Variants in THSD7A observed in about 807,000 individuals in gnomAD.
THSD7A encodes the protein thrombospondin type 1 domain containing 7A, also known as thrombospondin type-1 domain-containing protein 7A.
A neutral mutation model predicts 231.3 loss-of-function variants in THSD7A; 96 were observed. The observed-to-expected ratio is 0.41, with a 90% CI of 0.35 to 0.49. The LOEUF (loss-of-function observed/expected upper bound fraction) is 0.49. Ranked by LOEUF, THSD7A falls within the 20% of genes least tolerant of loss-of-function variation. The pLI, the probability that THSD7A is intolerant of heterozygous loss-of-function variation, is 0.05. For synonymous variants in THSD7A, 940 were observed against 743.3 expected (o/e 1.26, Z -4.30); for missense variants, 2,290 against 2,070.2 (o/e 1.11, Z -2.06).
intron 1 of THSD7A, among the ~76,000 whole-genome samples, chr7:11,774,059 G>T (rs1783323213): frequency 6.6e-6 from 1 of 152,106 alleles, no homozygotes; most frequent in Admixed American, 6.6e-5. Context: ...AATATTGGCA[G>T]CATTTGGTGA....
intron 6 of THSD7A, among the ~76,000 whole-genome samples, chr7:11,524,778 A>C (rs1788406275): frequency 6.6e-6 from 1 of 152,196 alleles, no homozygotes; most frequent in African/African-American, 2.4e-5. Flanking sequence ...AGGAAGGGTA[A>C]AAGTGGAAAG....
At chr7:11,623,287 C>T (rs573288120) in intron 2 of THSD7A, among the ~76,000 whole-genome samples, 51 of 152,196 alleles carry the variant, frequency 3.4e-4, no homozygotes, top group Non-Finnish European at 5.9e-4. Flanking sequence ...CCACTTAGGG[C>T]GGAACTAGGA....
At chr7:11,777,630 C>A (rs925871862) in intron 1 of THSD7A, among the ~76,000 whole-genome samples, 7 of 152,056 alleles carry the variant, frequency 4.6e-5, no homozygotes, top group Non-Finnish European at 8.8e-5. Flanking sequence ...CTTCTGAATT[C>A]CTATTGTTTG....
intron 13 of THSD7A, among the ~76,000 whole-genome samples, chr7:11,432,904 A>T (rs1231265694): frequency 1.3e-5 from 2 of 152,036 alleles, no homozygotes; most frequent in African/African-American, 4.8e-5. Context: ...AATAAATTTT[A>T]AAAAATGGGA....
rs554826874 is a variant in THSD7A, at chr7:11,420,104, G to A, written c.3384-2501C>T. Among the ~76,000 whole-genome samples, 4 of 152,298 alleles carry A rather than the reference G, an allele frequency of 2.6e-5. No homozygotes were observed. In the South Asian group the frequency reaches 6.2e-4, roughly 24 times the overall value. ...TTTAGAAAATTTGCAGCCCCACCACGTGGTAGAAAAGAAAAACCCATTTTC... is the reference window on the plus strand; with the variant it reads ...TTTAGAAAATTTGCAGCCCCACCACATGGTAGAAAAGAAAAACCCATTTTC... On this transcript the variant is annotated intron_variant, in intron 16 of 27. Transcript: ENST00000423059.
intron 16 of THSD7A, among the ~76,000 whole-genome samples, chr7:11,424,332 G>A (rs994973679): frequency 3.3e-5 from 5 of 152,224 alleles, no homozygotes; most frequent in Admixed American, 6.5e-5. Context: ...CAGTTAGCCA[G>A]TTTGATACAA....
intron 6 of THSD7A, among the ~76,000 whole-genome samples, chr7:11,491,247 T>C (rs17149861): frequency 0.13 from 19,960 of 152,084 alleles, 1,468 homozygotes; most frequent in Middle Eastern, 0.19. Context: ...TAATTTTTGA[T>C]TGTTAAATTT....
At chr7:11,622,787 C>T (rs1168593365) in intron 2 of THSD7A, among the ~76,000 whole-genome samples, 2 of 152,096 alleles carry the variant, frequency 1.3e-5, no homozygotes, top group African/African-American at 4.8e-5. Flanking sequence ...GTATTAATGT[C>T]ATGAATAGAT....
In THSD7A at chr7:11,766,590, T is replaced by G. The variant is rs187940072; in HGVS notation, c.190+65167A>C. Among the ~76,000 whole-genome samples, 11 of 152,332 alleles carry G rather than the reference T, an allele frequency of 7.2e-5. No individual in the cohort carries two copies. In the East Asian group the frequency reaches 2.1e-3, roughly 29 times the overall value. On this transcript the variant is annotated intron_variant, in intron 1 of 27. Transcript: ENST00000423059. ...TGGACTTGGTAAATATGTTTGACTT[T>G]TCTGCCTAGCCAAGCAATAAATATA...
chr7:11,534,765 C>T (rs1456011689), intron 6 of THSD7A, among the ~76,000 whole-genome samples: 1 of 152,196 alleles, frequency 6.6e-6, no homozygotes, highest in African/African-American at 2.4e-5. Flanking sequence ...GCAAGAGGCT[C>T]ACTAATGTGA....
chr7:11,656,556 T>G (rs1341089580), intron 1 of THSD7A, among the ~76,000 whole-genome samples: 2 of 152,004 alleles, frequency 1.3e-5, no homozygotes, highest in African/African-American at 4.8e-5. Flanking sequence ...ACACCTTGAC[T>G]CTAGGCATTA....
At chr7:11,804,552 GTGA>G (rs1784352967) in intron 1 of THSD7A, among the ~76,000 whole-genome samples, 1 of 152,138 alleles carries the variant, frequency 6.6e-6, no homozygotes, top group South Asian at 2.1e-4. Context: ...TTTGTTAAAA[GTGA>G]TACACAAAGT....
At chr7:11,547,916 C>A (rs1326691450) in intron 4 of THSD7A, among the ~76,000 whole-genome samples, 1 of 152,054 alleles carries the variant, frequency 6.6e-6, no homozygotes, top group Non-Finnish European at 1.5e-5. Flanking sequence ...TTAGAAAATT[C>A]TCAAATTAAC....
intron 1 of THSD7A, among the ~76,000 whole-genome samples, chr7:11,826,761 A>G (rs530346880): frequency 6.6e-6 from 1 of 151,304 alleles, no homozygotes; most frequent in South Asian, 2.1e-4. Context: ...GCAGTGAGCC[A>G]AGATCATGCC....
intron 4 of THSD7A, among the ~76,000 whole-genome samples, chr7:11,563,225 A>G (rs1414859844): frequency 6.6e-6 from 1 of 152,216 alleles, no homozygotes; most frequent in Admixed American, 6.5e-5. Context: ...CATTGTTTTC[A>G]AAGCTCATAC....
chr7:11,555,889 T>C (rs1490386105), intron 4 of THSD7A, among the ~76,000 whole-genome samples: 5 of 151,832 alleles, frequency 3.3e-5, no homozygotes, highest in South Asian at 2.1e-4. Flanking sequence ...GATGTTATCA[T>C]AGCCACTCCT....
Position 11,540,932 on chromosome 7 carries a change from G to C in THSD7A, c.1822+487C>G, listed in dbSNP as rs775650792. Among the ~76,000 whole-genome samples the C allele has an allele frequency of 5.3e-5, 8 of 152,270 alleles. No individual in the cohort carries two copies. In the South Asian group the frequency reaches 1.4e-3, roughly 28 times the overall value. ...GGAACTCTAGGCTGTGGTAGGCCTC[G>C]TGGATTGGGAGCCTGGAAATTAAAT... is the stretch of plus-strand genomic sequence containing the variant. On this transcript the variant is annotated intron_variant, in intron 6 of 27. Transcript: ENST00000423059.
chr7:11,656,852 A>C (rs1441662979), intron 1 of THSD7A, among the ~76,000 whole-genome samples: 4 of 151,868 alleles, frequency 2.6e-5, no homozygotes, highest in Admixed American at 6.6e-5. Context: ...TATTGTAAGA[A>C]AAATCAAATT....
intron 1 of THSD7A, among the ~76,000 whole-genome samples, chr7:11,670,324 C>T (rs996392745): frequency 2.0e-5 from 3 of 152,192 alleles, no homozygotes; most frequent in African/African-American, 7.2e-5. Flanking sequence ...ACAGAGGAAT[C>T]TTCTATGTCC....
Sources: allele counts gnomAD v4.1 joint callset (sites outside exome capture counted in the v4.1 genomes callset), GRCh38; gene constraint gnomAD v4.1.1; transcripts MANE v1.5; gene names NCBI Gene and HGNC (gene_info 2026-07-23, HGNC 2026-07-21).